Variants in SDK1 observed in about 807,000 individuals in gnomAD.
SDK1 encodes the protein protein sidekick-1.
A neutral mutation model predicts 245.5 loss-of-function variants in SDK1; 157 were observed. The observed-to-expected ratio is 0.64, with a 90% CI of 0.56 to 0.73. The LOEUF (loss-of-function observed/expected upper bound fraction) is 0.73, where lower values mean the gene tolerates loss of function less well. Ranked by LOEUF, SDK1 falls within the 30% of genes least tolerant of loss-of-function variation. SDK1 has a pLI of 0.00. For synonymous variants in SDK1, 1,647 were observed against 1,278.5 expected (o/e 1.29, Z -6.15); for missense variants, 3,583 against 3,002.3 (o/e 1.19, Z -4.52).
intron 1 of SDK1, among the ~76,000 whole-genome samples, chr7:3,401,665 A>C (rs1190486789): frequency 1.3e-5 from 2 of 151,960 alleles, no homozygotes; most frequent in African/African-American, 4.8e-5. Context: ...CACTTTGGGC[A>C]GTTACATTAC....
intron 4 of SDK1, among the ~76,000 whole-genome samples, chr7:3,646,999 A>T (rs891198615): frequency 6.6e-6 from 1 of 152,202 alleles, no homozygotes; most frequent in Non-Finnish European, 1.5e-5. Context: ...GTTTCACAAG[A>T]TGGAAAGATG....
At chr7:3,945,654 G>A (rs1448838365) in intron 5 of SDK1, among the ~76,000 whole-genome samples, 1 of 152,034 alleles carries the variant, frequency 6.6e-6, no homozygotes, top group African/African-American at 2.4e-5. Flanking sequence ...CCAGCACTTC[G>A]GGAGGCCAAG....
chr7:3,610,581 G>A (rs949220486), intron 1 of SDK1, among the ~76,000 whole-genome samples: 1 of 152,152 alleles, frequency 6.6e-6, no homozygotes, highest in African/African-American at 2.4e-5. Flanking sequence ...AAATAGATTA[G>A]CACAGTGCAA....
intron 5 of SDK1, among the ~76,000 whole-genome samples, chr7:3,914,907 G>T (rs1189459227): frequency 1.3e-5 from 2 of 152,216 alleles, no homozygotes; most frequent in Non-Finnish European, 2.9e-5. Flanking sequence ...GAGTGTGTTT[G>T]ATGTGTCTTA....
chr7:3,579,381 C>A (rs1359032490), intron 1 of SDK1, among the ~76,000 whole-genome samples: 2 of 152,220 alleles, frequency 1.3e-5, no homozygotes, highest in Admixed American at 6.5e-5. Context: ...ATATGCAAAT[C>A]AGTAAATGTG....
At chr7:3,418,379 T>C (rs996572454) in intron 1 of SDK1, among the ~76,000 whole-genome samples, 7 of 152,230 alleles carry the variant, frequency 4.6e-5, no homozygotes, top group Middle Eastern at 3.4e-3. Flanking sequence ...GTGAACAGAA[T>C]GGAATATTCA....
intron 1 of SDK1, among the ~76,000 whole-genome samples, chr7:3,441,517 T>C (rs1015616457): frequency 6.6e-6 from 1 of 152,232 alleles, no homozygotes; most frequent in South Asian, 2.1e-4. Flanking sequence ...AAATCACTTG[T>C]CCATGTATGT....
chr7:3,737,147 GGA>G (rs776504363), intron 4 of SDK1, among the ~76,000 whole-genome samples: 50 of 152,320 alleles, frequency 3.3e-4, no homozygotes, highest in Non-Finnish European at 5.7e-4. Context: ...GCAGCCTGGT[GGA>G]GTGGCAGGCT....
chr7:3,429,820 G>C (rs1779783829), intron 1 of SDK1, among the ~76,000 whole-genome samples: 1 of 151,830 alleles, frequency 6.6e-6, no homozygotes, highest in Non-Finnish European at 1.5e-5. Context: ...TTAAGCCCTG[G>C]GTTCAAGCAG....
chr7:4,079,171 T>C (rs1780896511), intron 21 of SDK1, among the ~76,000 whole-genome samples: 1 of 152,186 alleles, frequency 6.6e-6, no homozygotes, highest in African/African-American at 2.4e-5. Flanking sequence ...ACCTACGAAG[T>C]ACAGAGATGC....
intron 5 of SDK1, among the ~76,000 whole-genome samples, chr7:3,922,029 G>A (rs994221582): frequency 2.0e-5 from 3 of 152,098 alleles, no homozygotes; most frequent in African/African-American, 7.2e-5. Context: ...GGAGCCGCAG[G>A]GCCTCTCACC....
At chr7:3,573,738 G>A (rs951127708) in intron 1 of SDK1, among the ~76,000 whole-genome samples, 6 of 152,136 alleles carry the variant, frequency 3.9e-5, no homozygotes, top group African/African-American at 1.2e-4. Context: ...GCCAGGCTGC[G>A]TGGTGGCTGA....
chr7:3,775,575 C>CT (rs557596485), intron 4 of SDK1, among the ~76,000 whole-genome samples: 6,505 of 138,602 alleles, frequency 0.047, 392 homozygotes, highest in African/African-American at 0.15. Context: ...CTTTTTTTTT[C>CT]TTTTTTTTTT....
At chr7:4,116,584 A>G (rs1001660332) in intron 25 of SDK1, among the ~76,000 whole-genome samples, 1 of 152,230 alleles carries the variant, frequency 6.6e-6, no homozygotes, top group African/African-American at 2.4e-5. Flanking sequence ...GTTGCAATGC[A>G]CAGAAGCCCC....
At chr7:3,917,875 C>T (rs1212090697) in intron 5 of SDK1, among the ~76,000 whole-genome samples, 1 of 152,142 alleles carries the variant, frequency 6.6e-6, no homozygotes, top group African/African-American at 2.4e-5. Flanking sequence ...TCCTCCTGCA[C>T]TCAAGGTTTC....
At chr7:3,950,080 C>G (rs1267999384) in intron 5 of SDK1, among the ~76,000 whole-genome samples, 1 of 152,224 alleles carries the variant, frequency 6.6e-6, no homozygotes, top group Non-Finnish European at 1.5e-5. Context: ...ATAAAGCCAG[C>G]AAGCATTTTG....
chr7:4,033,129 C>T (rs1207925249), intron 17 of SDK1, among the ~76,000 whole-genome samples: 1 of 152,024 alleles, frequency 6.6e-6, no homozygotes, highest in Non-Finnish European at 1.5e-5. Context: ...ATGTCCGGAA[C>T]AGAACAGAAA....
chr7:4,001,161 C>A (rs905819763), intron 14 of SDK1, among the ~76,000 whole-genome samples: 1 of 152,174 alleles, frequency 6.6e-6, no homozygotes, highest in Non-Finnish European at 1.5e-5. Context: ...GCGTGGCTCC[C>A]ATAGCTTGAG....
intron 13 of SDK1, among the ~76,000 whole-genome samples, chr7:3,978,037 C>A (rs1783104348): frequency 6.6e-6 from 1 of 152,192 alleles, no homozygotes. Context: ...AAGCCCTCAT[C>A]CAGCCCTGCT....
Sources: allele counts gnomAD v4.1 joint callset (sites outside exome capture counted in the v4.1 genomes callset), GRCh38; gene constraint gnomAD v4.1.1; transcripts MANE v1.5; gene names NCBI Gene and HGNC (gene_info 2026-07-23, HGNC 2026-07-21).